The following SYMPK variants were observed in gnomAD, a reference collection of about 807,000 sequenced individuals.
The protein encoded by SYMPK is symplekin scaffold protein.
In SYMPK, 49 loss-of-function variants were observed where a neutral mutation model predicts 136.4. The observed-to-expected ratio is 0.36, with a 90% CI of 0.29 to 0.46. SYMPK has a LOEUF of 0.46. Ranked by LOEUF, SYMPK falls within the 20% of genes least tolerant of loss-of-function variation. The pLI, the probability that SYMPK is intolerant of heterozygous loss-of-function variation, is 1.00. For synonymous variants in SYMPK, 766 were observed against 713.0 expected, an observed-to-expected ratio of 1.07 and a Z score of -1.19; for missense variants, 1,365 against 1,690.0, an observed-to-expected ratio of 0.81 and a Z score of 3.37.
At chr19:45,817,792 G>A (rs1473070499) in intron 23 of SYMPK, among the ~76,000 whole-genome samples, 167 bp downstream of exon 23, 1 of 152,198 alleles carries the variant, frequency 6.6e-6, no homozygotes, top group Non-Finnish European at 1.5e-5. Context: ...CCTGGGAGCT[G>A]GCCCAGTCAT....
chr19:45,848,088 G>T, intron 6 of SYMPK, 87 bp from the exon 7 acceptor site: 1 of 1,452,236 alleles, frequency 6.9e-7, no homozygotes. Context: ...CCAATACCCA[G>T]AGAACCATGA....
chr19:45,856,873 T>TTGGGAGGCTGAC (rs1303353235), intron 1 of SYMPK, among the ~76,000 whole-genome samples: 2 of 151,978 alleles, frequency 1.3e-5, no homozygotes, highest in Non-Finnish European at 2.9e-5. Flanking sequence ...TCCCAGCACC[T>TTGGGAGGCTGAC]TGGGAGGCTG....
At chr19:45,834,897 T>C (rs1288248286) in intron 11 of SYMPK, among the ~76,000 whole-genome samples, 181 bp downstream of exon 11, 1 of 152,246 alleles carries the variant, frequency 6.6e-6, no homozygotes, top group East Asian at 1.9e-4. Context: ...CCAGGTCTGT[T>C]GGATTCCAAA....
intron 11 of SYMPK, among the ~76,000 whole-genome samples, chr19:45,834,807 A>C (rs1054629017): frequency 6.6e-6 from 1 of 152,244 alleles, no homozygotes; most frequent in African/African-American, 2.4e-5. Context: ...AAAACTATGA[A>C]GCTCAGAGAG....
In SYMPK at chr19:45,816,842, G is replaced by A. The variant is rs896122874; in HGVS notation, c.3214C>T (p.Arg1072Trp). ...GAVFDKCPEL[R>W]EPLLAHVRSF... is the part of the protein sequence containing the mutation. ...CGGACATGGGCCAGCAGGGGCTCCCGGAGCTCTGGGCACTTGTCAAAGACG... is the reference window on the plus strand; with the variant it reads ...CGGACATGGGCCAGCAGGGGCTCCCAGAGCTCTGGGCACTTGTCAAAGACG... The change falls in exon 24 of 27, where the codon CGG becomes TGG. Residue 1072 changes from arginine to tryptophan, a missense_variant. Coordinates refer to ENST00000245934, the MANE Select transcript of SYMPK (RefSeq NM_004819.3). 1.2e-5 allele frequency: 19 copies of A among 1,546,906 alleles called. No individual in the cohort carries two copies. The highest frequency in any genetic ancestry group is 2.0e-5 in the Admixed American group (1 of 49,380).
chr19:45,849,031 C>T (rs1440624697), intron 5 of SYMPK, among the ~76,000 whole-genome samples, 155 bp from the exon 6 acceptor site: 5 of 152,154 alleles, frequency 3.3e-5, no homozygotes, highest in African/African-American at 1.2e-4. Context: ...TGCCTCCAGA[C>T]TGAGCCGCCC....
chr19:45,818,281 G>C (rs11670843), intron 22 of SYMPK, 135 bp from the exon 23 acceptor site: 773,437 of 911,558 alleles, frequency 0.85, 328,565 homozygotes, highest in African/African-American at 0.89. Flanking sequence ...CTGCGGGAGA[G>C]AGGAGACTCC....
chr19:45,816,253 A>T (rs1056629615), intron 25 of SYMPK, 70 bp from the exon 26 acceptor site: 2 of 1,237,280 alleles, frequency 1.6e-6, no homozygotes, highest in Admixed American at 5.5e-5. Flanking sequence ...AAGAGAAGGA[A>T]CCACCCTGAG....
intron 12 of SYMPK, 106 bp from the exon 13 acceptor site, chr19:45,830,310 C>T (rs955736570): frequency 7.7e-7 from 1 of 1,293,334 alleles, no homozygotes; most frequent in African/African-American, 1.5e-5. Context: ...GAGATGGCCC[C>T]CATCCCCCTG....
Position 45,847,732 on chromosome 19 carries a change from C to T in SYMPK, c.676+20G>A, listed in dbSNP as rs1352139931. 1.3e-6 allele frequency: 2 copies of T among 1,595,176 alleles called. No homozygotes were observed. Among genetic ancestry groups the T allele is most frequent in the African/African-American group, 1.3e-5 (1 of 74,736 alleles). ...ACTGGTGCAGGGCTGTCAGGGGTGG[C>T]AGCTGAAGGCAGTACTCACTGTACT... On this transcript the variant is annotated intron_variant, in intron 7 of 26. Coordinates refer to ENST00000245934, the MANE Select transcript of SYMPK (RefSeq NM_004819.3).
intron 1 of SYMPK, among the ~76,000 whole-genome samples, chr19:45,860,401 T>C (rs1971935774): frequency 6.6e-6 from 1 of 150,930 alleles, no homozygotes; most frequent in African/African-American, 2.4e-5. Context: ...GAGGTTGCAG[T>C]GAGCCGAGGT....
chr19:45,854,496 G>A lies in SYMPK; in HGVS notation c.-1C>T. 6.2e-7 allele frequency: 1 copy of A among 1,613,520 alleles called. No individual in the cohort carries two copies. The highest frequency in any genetic ancestry group is 8.5e-7 in the Non-Finnish European group (1 of 1,179,918). On this transcript the variant is annotated 5_prime_UTR_variant, in exon 2 of 27. Transcript: ENST00000245934. The stretch of plus-strand genomic sequence containing the variant: ...CGCTGTCTCCACTGCCGCTCGCCAT[G>A]GCTGCTGTCAGCTTGTCCCCAGGAA...
At chr19:45,822,718 G>A (rs779843073) in intron 21 of SYMPK, 38 bp downstream of exon 21, 3 of 1,582,782 alleles carry the variant, frequency 1.9e-6, no homozygotes, top group African/African-American at 2.7e-5. Context: ...ACCTGGGGTG[G>A]GTGGGCCTCT....
At chr19:45,855,806 G>A (rs1007023846) in intron 1 of SYMPK, 7 of 152,064 alleles carry the variant, frequency 4.6e-5, no homozygotes, top group African/African-American at 1.4e-4. Flanking sequence ...GAGCAGCCTG[G>A]GCAACATGGT....
chr19:45,824,788 G>A (rs762189561), intron 18 of SYMPK, among the ~76,000 whole-genome samples: 4 of 152,144 alleles, frequency 2.6e-5, no homozygotes, highest in Non-Finnish European at 2.9e-5. Flanking sequence ...AAAGAGTCCC[G>A]TTAGCAACAC....
intron 5 of SYMPK, among the ~76,000 whole-genome samples, chr19:45,851,764 C>T (rs1052217070): frequency 6.6e-6 from 1 of 151,918 alleles, no homozygotes; most frequent in Admixed American, 6.6e-5. Context: ...ATCCCAGCTA[C>T]TTGGGAGGCT....
chr19:45,823,895 T>G lies in SYMPK; in HGVS notation c.2491-20A>C, dbSNP rs1158260682. The G allele has an allele frequency of 1.9e-6, 3 of 1,606,954 alleles. No homozygotes were observed. Among genetic ancestry groups the G allele is most frequent in the Non-Finnish European group, 2.6e-6 (3 of 1,174,598 alleles). On this transcript the variant is annotated intron_variant, in intron 18 of 26. Coordinates refer to ENST00000245934, the MANE Select transcript of SYMPK (RefSeq NM_004819.3). ...TCGGATCTAGAGGCAGAGACAGGGA[T>G]GACCAGACCCAGGGTGAGAGCTTAG... is the stretch of plus-strand genomic sequence containing the variant.
At chr19:45,846,550 G>C (rs1267018358) in intron 7 of SYMPK, among the ~76,000 whole-genome samples, 1 of 152,196 alleles carries the variant, frequency 6.6e-6, no homozygotes, top group Non-Finnish European at 1.5e-5. Flanking sequence ...TAGGCTGTGT[G>C]TCAGACACAA....
Position 45,816,581 on chromosome 19 carries a change from G to T in SYMPK, c.3259-4C>A, listed in dbSNP as rs1425029020. On this transcript the variant is annotated splice_polypyrimidine_tract_variant and splice_region_variant and intron_variant, in intron 24 of 26. Transcript: ENST00000245934. ...TGGAGTTAGGGATGTGAGCTTGCTG[G>T]GTGGAGAGCAGGAAGGGGGCGCTGG... The T allele has an allele frequency of 1.2e-6, 2 of 1,613,456 alleles. No homozygotes were observed.
Sources: gnomAD v4.1 joint callset for allele counts (sites outside exome capture counted in the v4.1 genomes callset) on GRCh38, gnomAD v4.1.1 for gene constraint, MANE v1.5 for transcripts, NCBI Gene and HGNC (gene_info 2026-07-23, HGNC 2026-07-21) for gene names.